The following CDH2 variants were observed in gnomAD, a reference collection of about 807,000 sequenced individuals.
The protein encoded by CDH2 is cadherin-2.
CDH2 carries 17 observed loss-of-function variants against 92.0 expected under a neutral mutation model. That is an observed-to-expected ratio of 0.18 (90% CI 0.13 to 0.28). The LOEUF (loss-of-function observed/expected upper bound fraction) is 0.28, where lower values mean the gene tolerates loss of function less well. Among genes scored for constraint, CDH2 ranks in the 10% least tolerant of loss-of-function variants. The probability of loss-of-function intolerance (pLI) is 1.00; values close to 1 mark genes in which losing one functional copy is unlikely to be tolerated. For synonymous variants in CDH2, 419 were observed against 415.9 expected (o/e 1.01, Z -0.09); for missense variants, 862 against 1,133.1 (o/e 0.76, Z 3.44).
intron 1 of CDH2, among the ~76,000 whole-genome samples, chr18:28,162,736 A>C (rs763124028): frequency 1.3e-5 from 2 of 152,208 alleles, no homozygotes; most frequent in African/African-American, 2.4e-5. Flanking sequence ...TGTTATCAGG[A>C]AAGTAAAGCA....
At chr18:28,141,229 T>C (rs2015947931) in intron 2 of CDH2, among the ~76,000 whole-genome samples, 1 of 151,752 alleles carries the variant, frequency 6.6e-6, no homozygotes, top group African/African-American at 2.4e-5. Context: ...ATATACACAA[T>C]GGAATACATT....
Position 27,993,425 on chromosome 18 carries a change from A to G in CDH2, c.1158+75T>C. Reference sequence around the variant, plus strand: ...AGCAAGTTCCACCTCTATTTAACACATTTATTATTCATGACCAACCTTCTC... The same window carrying G: ...AGCAAGTTCCACCTCTATTTAACACGTTTATTATTCATGACCAACCTTCTC... On this transcript the variant is annotated intron_variant, in intron 8 of 15. Coordinates refer to ENST00000269141, the MANE Select transcript of CDH2 (RefSeq NM_001792.5). The G allele has an allele frequency of 6.2e-6, 9 of 1,452,540 alleles. No homozygotes were observed. In the East Asian group the frequency reaches 1.9e-4, roughly 30 times the overall value. 90.0% of individuals were successfully genotyped at this position (1,452,540 alleles called of 1,614,324 possible). A position where few individuals can be genotyped will look rare whatever the true frequency, so the allele number is the denominator to read the frequency against.
chr18:28,014,570 T>A (rs2013189757), intron 2 of CDH2, among the ~76,000 whole-genome samples: 1 of 152,082 alleles, frequency 6.6e-6, no homozygotes, highest in South Asian at 2.1e-4. Flanking sequence ...CTCTTAGTGC[T>A]TACAGTACTT....
intron 9 of CDH2, 47 bp downstream of exon 9, chr18:27,992,608 C>A: frequency 6.6e-7 from 1 of 1,507,700 alleles, no homozygotes; most frequent in Non-Finnish European, 9.0e-7. Flanking sequence ...TATATTGGTC[C>A]TTGCTGAGCA....
chr18:27,952,054 C>G lies in CDH2; in HGVS notation c.*99G>C. The G allele has an allele frequency of 9.5e-7, 1 of 1,053,510 alleles. No homozygotes were observed. Among genetic ancestry groups the G allele is most frequent in the Admixed American group, 1.7e-5 (1 of 58,108 alleles). 65.3% of individuals were successfully genotyped at this position (1,053,510 alleles called of 1,614,324 possible). On this transcript the variant is annotated 3_prime_UTR_variant, in exon 16 of 16. Transcript: ENST00000269141. The stretch of plus-strand genomic sequence containing the variant: ...GCCAAAGCCTCCAGCAAGCACTGTG[C>G]TAGTAGACTACAAAGTTAAAGCCTA...
chr18:27,948,931 ACT>A (rs915323080), downstream of CDH2, among the ~76,000 whole-genome samples: 2 of 151,800 alleles, frequency 1.3e-5, no homozygotes, highest in Non-Finnish European at 1.5e-5. Context: ...GGGTACTAAC[ACT>A]CTGTATGCAT....
chr18:28,035,463 G>A (rs922208329), intron 2 of CDH2, among the ~76,000 whole-genome samples: 2 of 151,966 alleles, frequency 1.3e-5, no homozygotes, highest in South Asian at 2.1e-4. Context: ...CAAAATTAAT[G>A]AGGTTAACCT....
rs540196324 is a variant in CDH2, at chr18:27,995,518, A to G, written c.1021-1881T>C. On this transcript the variant is annotated intron_variant, in intron 7 of 15. Transcript: ENST00000269141. ...TGAAATGTCAGTTTTGTTAGCTGCT[A>G]TTTGCAGAAACAGATGAACATTCTC... Among the ~76,000 whole-genome samples the G allele has an allele frequency of 5.9e-5, 9 of 152,240 alleles. No homozygotes were observed. In the South Asian group the frequency reaches 1.9e-3, roughly 32 times the overall value.
At chr18:27,989,957 T>C (rs1414470172) in intron 10 of CDH2, 140 bp downstream of exon 10, 1 of 681,024 alleles carries the variant, frequency 1.5e-6, no homozygotes, top group Non-Finnish European at 2.4e-6. Flanking sequence ...GAGAAGAAAA[T>C]TCAAAGAATT....
chr18:27,961,219 G>A (rs961353822), intron 15 of CDH2, among the ~76,000 whole-genome samples: 1 of 151,512 alleles, frequency 6.6e-6, no homozygotes, highest in Admixed American at 6.6e-5. Context: ...ATTTGCCAGG[G>A]TGCATACTTG....
intron 14 of CDH2, among the ~76,000 whole-genome samples, 172 bp downstream of exon 14, chr18:27,982,763 GACATTTGGT>G (rs2012098481): frequency 6.7e-6 from 1 of 148,466 alleles, no homozygotes; most frequent in South Asian, 2.1e-4. Flanking sequence ...TAAATACAAT[GACATTTGGT>G]ACTTTGAAAA....
At chr18:28,168,068 G>C (rs776697368) in intron 1 of CDH2, among the ~76,000 whole-genome samples, 1 of 152,098 alleles carries the variant, frequency 6.6e-6, no homozygotes, top group Non-Finnish European at 1.5e-5. Context: ...AAGCGGGAGC[G>C]GGGGGATTAC....
chr18:28,164,456 AC>A (rs2016350161), intron 1 of CDH2, among the ~76,000 whole-genome samples: 1 of 152,226 alleles, frequency 6.6e-6, no homozygotes, highest in African/African-American at 2.4e-5. Flanking sequence ...TAAAGGCAAT[AC>A]TTCCTGCATC....
intron 7 of CDH2, among the ~76,000 whole-genome samples, chr18:28,000,453 A>G (rs897454080): frequency 2.6e-5 from 4 of 152,278 alleles, no homozygotes; most frequent in East Asian, 3.9e-4. Context: ...CCCATGAGGT[A>G]GGTAATACTA....
In CDH2 at chr18:28,080,515, G is replaced by T. The variant is rs1308290929; in HGVS notation, c.173-66606C>A. On this transcript the variant is annotated intron_variant, in intron 2 of 15. Transcript: ENST00000269141. The stretch of plus-strand genomic sequence containing the variant: ...TCTTTCAAAAATTAACAAAGCATAA[G>T]ACAACAGAAAAAGAAATACTTAAAA... Among the ~76,000 whole-genome samples the T allele has an allele frequency of 2.0e-5, 3 of 151,922 alleles. No individual in the cohort carries two copies. The East Asian group carries it at 5.8e-4, about 29-fold the overall frequency.
At chr18:28,130,928 A>G (rs1250690894) in intron 2 of CDH2, among the ~76,000 whole-genome samples, 1 of 152,208 alleles carries the variant, frequency 6.6e-6, no homozygotes, top group Non-Finnish European at 1.5e-5. Flanking sequence ...TTAAAAATTT[A>G]GAATCAGACA....
chr18:28,009,636 A>T, intron 5 of CDH2, 81 bp downstream of exon 5: 2 of 1,237,192 alleles, frequency 1.6e-6, no homozygotes, highest in Non-Finnish European at 2.2e-6. Flanking sequence ...AGGCTTTCAG[A>T]CTGATATAAG....
At chr18:28,096,586 G>A (rs1420910375) in intron 2 of CDH2, among the ~76,000 whole-genome samples, 1 of 152,064 alleles carries the variant, frequency 6.6e-6, no homozygotes, top group Non-Finnish European at 1.5e-5. Flanking sequence ...AAATAAAAAA[G>A]CTATAAGCAT....
chr18:28,108,842 G>T lies in CDH2; in HGVS notation c.172+38831C>A, dbSNP rs191946232. Reference sequence around the variant, plus strand: ...CTTAACCTCACGTAGAAGCAAGGGTGTCTAAATAAATAAAAAAACTTCCCC... The same window carrying T: ...CTTAACCTCACGTAGAAGCAAGGGTTTCTAAATAAATAAAAAAACTTCCCC... On this transcript the variant is annotated intron_variant, in intron 2 of 15. Transcript: ENST00000269141. Among the ~76,000 whole-genome samples, 3 of 151,110 alleles carry T rather than the reference G, an allele frequency of 2.0e-5. No individual in the cohort carries two copies. The East Asian group carries it at 5.9e-4, about 29-fold the overall frequency.
Sources: allele counts gnomAD v4.1 joint callset (sites outside exome capture counted in the v4.1 genomes callset), GRCh38; gene constraint gnomAD v4.1.1; transcripts MANE v1.5; gene names NCBI Gene and HGNC (gene_info 2026-07-23, HGNC 2026-07-21).